Variants in ZMYM2 observed in about 807,000 individuals in gnomAD.
ZMYM2 encodes zinc finger MYM-type containing 2.
Under a neutral mutation model 162.8 loss-of-function variants are expected in ZMYM2, and 56 were observed. The observed-to-expected ratio is 0.34, with a 90% CI of 0.28 to 0.43. The LOEUF (loss-of-function observed/expected upper bound fraction) is 0.43. Ranked by LOEUF, ZMYM2 falls within the 20% of genes least tolerant of loss-of-function variation. The pLI is 1.00. For synonymous variants in ZMYM2, 510 were observed against 541.6 expected, an observed-to-expected ratio of 0.94 and a Z score of 0.81; for missense variants, 1,275 against 1,621.8, an observed-to-expected ratio of 0.79 and a Z score of 3.67.
At chr13:20,004,548 C>A (rs1461653700) in intron 4 of ZMYM2, among the ~76,000 whole-genome samples, 1 of 152,242 alleles carries the variant, frequency 6.6e-6, no homozygotes, top group Non-Finnish European at 1.5e-5. Context: ...AGCCACTGCG[C>A]TCAGCAGTAT....
At chr13:20,056,360 A>T (rs1955794983) in intron 14 of ZMYM2, among the ~76,000 whole-genome samples, 1 of 152,208 alleles carries the variant, frequency 6.6e-6, no homozygotes, top group Non-Finnish European at 1.5e-5. Context: ...ATTACTGGAT[A>T]ATGCCCCAGT....
intron 6 of ZMYM2, among the ~76,000 whole-genome samples, chr13:20,018,204 G>A (rs1951779968): frequency 6.6e-6 from 1 of 152,154 alleles, no homozygotes; most frequent in South Asian, 2.1e-4. Context: ...TTCTTCTTCA[G>A]TGGATAGAGA....
the ZMYM2 span, among the ~76,000 whole-genome samples, chr13:19,881,509 C>A: frequency 6.6e-6 from 1 of 151,748 alleles, no homozygotes; most frequent in African/African-American, 2.4e-5. Context: ...GTAATCCCAG[C>A]TACTCGAGAG....
the ZMYM2 span, among the ~76,000 whole-genome samples, chr13:19,934,613 A>G: frequency 6.6e-6 from 1 of 152,022 alleles, no homozygotes; most frequent in Non-Finnish European, 1.5e-5. Context: ...TTTTATGGAT[A>G]TATTTTCTCT....
At chr13:19,972,041 C>T (rs1388446306) in intron 2 of ZMYM2, among the ~76,000 whole-genome samples, 7 of 151,938 alleles carry the variant, frequency 4.6e-5, no homozygotes, top group African/African-American at 1.5e-4. Flanking sequence ...AAATTTTGGT[C>T]CTATAGGAGA....
intron 6 of ZMYM2, among the ~76,000 whole-genome samples, chr13:20,007,258 C>T (rs575458943): frequency 2.0e-5 from 3 of 152,128 alleles, no homozygotes; most frequent in African/African-American, 7.2e-5. Flanking sequence ...GCCTCAGCCT[C>T]CCAAGTAGCT....
At chr13:19,864,313 GA>G in the ZMYM2 span, 1 of 155,092 alleles carries the variant, frequency 6.4e-6, no homozygotes, top group African/African-American at 2.4e-5. Context: ...GCAGCAGGAG[GA>G]GACGACGTCC....
chr13:19,979,938 C>G (rs1232468634), intron 2 of ZMYM2, among the ~76,000 whole-genome samples: 1 of 152,166 alleles, frequency 6.6e-6, no homozygotes, highest in African/African-American at 2.4e-5. Context: ...CCTAGAACTT[C>G]TTGCCACACC....
chr13:19,885,417 G>A, the ZMYM2 span, among the ~76,000 whole-genome samples: 1 of 152,166 alleles, frequency 6.6e-6, no homozygotes, highest in African/African-American at 2.4e-5. Flanking sequence ...CTGAAGATTG[G>A]TTCTAGTGTG....
intron 7 of ZMYM2, among the ~76,000 whole-genome samples, chr13:20,023,739 G>A (rs1031275545): frequency 1.3e-5 from 2 of 152,070 alleles, no homozygotes; most frequent in African/African-American, 4.8e-5. Context: ...ATATAAATTT[G>A]TATGAAATTT....
the ZMYM2 span, among the ~76,000 whole-genome samples, chr13:19,911,917 C>T: frequency 2.0e-5 from 3 of 152,314 alleles, no homozygotes; most frequent in East Asian, 3.9e-4. Context: ...ATATCACTGT[C>T]GAGACCTTGA....
chr13:19,992,775 G>T (rs1220302714), intron 2 of ZMYM2, among the ~76,000 whole-genome samples: 6 of 151,756 alleles, frequency 4.0e-5, no homozygotes, highest in African/African-American at 1.5e-4. Context: ...AGGAGGTGGT[G>T]GTGGTGGTAG....
At chr13:20,052,526 A>G (rs892347966) in intron 14 of ZMYM2, among the ~76,000 whole-genome samples, 2 of 152,150 alleles carry the variant, frequency 1.3e-5, no homozygotes, top group African/African-American at 4.8e-5. Flanking sequence ...TCTACTCACA[A>G]TGGGGCGATA....
the ZMYM2 span, among the ~76,000 whole-genome samples, chr13:19,946,948 C>A: frequency 1.3e-5 from 2 of 151,652 alleles, no homozygotes; most frequent in Non-Finnish European, 2.9e-5. Context: ...TACCTGTTAT[C>A]AGTGTGCTGC....
At chr13:19,986,344 C>A (rs889033453) in intron 2 of ZMYM2, among the ~76,000 whole-genome samples, 1 of 151,226 alleles carries the variant, frequency 6.6e-6, no homozygotes, top group African/African-American at 2.4e-5. Flanking sequence ...ATAGAAAGAT[C>A]GCCATCTCAG....
chr13:19,933,778 G>A, the ZMYM2 span, among the ~76,000 whole-genome samples: 3 of 152,122 alleles, frequency 2.0e-5, no homozygotes, highest in Admixed American at 6.6e-5. Flanking sequence ...GTTAGATGTG[G>A]GCCACACATT....
chr13:20,082,269 T>G (rs1957962067), intron 22 of ZMYM2, 139 bp downstream of exon 22: 1 of 662,434 alleles, frequency 1.5e-6, no homozygotes, highest in African/African-American at 1.9e-5. Flanking sequence ...CATCTGCCTT[T>G]CATCTCTTGT....
the ZMYM2 span, among the ~76,000 whole-genome samples, chr13:19,946,101 T>C: frequency 6.6e-6 from 1 of 152,158 alleles, no homozygotes; most frequent in Non-Finnish European, 1.5e-5. Context: ...CACCACCCTA[T>C]TTGAGGCTAC....
intron 9 of ZMYM2, among the ~76,000 whole-genome samples, chr13:20,028,314 G>A (rs1048735507): frequency 9.2e-5 from 14 of 152,132 alleles, no homozygotes; most frequent in African/African-American, 2.7e-4. Context: ...TTGCCTTGTT[G>A]GCTTTTCTTA....
Sources: allele counts gnomAD v4.1 joint callset (sites outside exome capture counted in the v4.1 genomes callset), GRCh38; gene constraint gnomAD v4.1.1; transcripts MANE v1.5; gene names NCBI Gene and HGNC (gene_info 2026-07-23, HGNC 2026-07-21).